Variants in AHCYL2 observed in about 807,000 individuals in gnomAD.
The protein encoded by AHCYL2 is adenosylhomocysteinase like 2.
A neutral mutation model predicts 81.4 loss-of-function variants in AHCYL2; 28 were observed. The ratio of observed to expected loss-of-function variants is 0.34; its 90% CI spans 0.25 to 0.47. AHCYL2 has a LOEUF of 0.47. Among genes scored for constraint, AHCYL2 ranks in the 20% least tolerant of loss-of-function variants. The pLI is 1.00. For synonymous variants in AHCYL2, 272 were observed against 290.2 expected, an observed-to-expected ratio of 0.94 and a Z score of 0.64; for missense variants, 551 against 785.1, an observed-to-expected ratio of 0.70 and a Z score of 3.56.
intron 1 of AHCYL2, among the ~76,000 whole-genome samples, chr7:129,287,886 A>C (rs565534653): frequency 6.6e-6 from 1 of 152,302 alleles, no homozygotes; most frequent in South Asian, 2.1e-4. Context: ...ATTCATGGCC[A>C]CTTGTTTCAC....
chr7:129,241,050 A>G (rs562244295), intron 1 of AHCYL2, among the ~76,000 whole-genome samples: 105 of 152,242 alleles, frequency 6.9e-4, no homozygotes, highest in South Asian at 5.4e-3. Flanking sequence ...TGGTTGAGAG[A>G]GAACACTGAA....
intron 1 of AHCYL2, among the ~76,000 whole-genome samples, chr7:129,321,590 GT>G (rs1333915642): frequency 1.3e-5 from 2 of 152,120 alleles, no homozygotes; most frequent in African/African-American, 4.8e-5. Flanking sequence ...TTACATCTGT[GT>G]TAGTGAGAAA....
intron 1 of AHCYL2, among the ~76,000 whole-genome samples, chr7:129,319,942 G>T (rs2150786506): frequency 6.6e-6 from 1 of 152,036 alleles, no homozygotes; most frequent in East Asian, 1.9e-4. Context: ...GAGTGTAATA[G>T]CTGGGTCTTA....
chr7:129,420,147 A>G (rs1251677799), intron 12 of AHCYL2, among the ~76,000 whole-genome samples: 1 of 152,210 alleles, frequency 6.6e-6, no homozygotes, highest in Non-Finnish European at 1.5e-5. Flanking sequence ...AACTGCCTCT[A>G]CTAAGCACTG....
chr7:129,424,854 T>C lies in AHCYL2; in HGVS notation c.1561-20T>C. 1 of 1,612,264 alleles carries C rather than the reference T, an allele frequency of 6.2e-7. No individual in the cohort carries two copies. Among genetic ancestry groups the C allele is most frequent in the Non-Finnish European group, 8.5e-7 (1 of 1,179,908 alleles). On this transcript the variant is annotated intron_variant, in intron 13 of 16. Coordinates refer to ENST00000325006, the MANE Select transcript of AHCYL2 (RefSeq NM_015328.4). The stretch of plus-strand genomic sequence containing the variant: ...GCGACTTTGTCCTAATCCATTTGTG[T>C]CTTCACCTTTGATCACTAGGGCCGC...
At chr7:129,376,494 A>G (rs1794696018) in intron 1 of AHCYL2, among the ~76,000 whole-genome samples, 3 of 152,242 alleles carry the variant, frequency 2.0e-5, no homozygotes, top group African/African-American at 4.8e-5. Flanking sequence ...CTTCTTTAGT[A>G]TTAAAAGATA....
intron 1 of AHCYL2, chr7:129,283,340 G>A (rs902530133): frequency 2.2e-6 from 1 of 455,520 alleles, no homozygotes; most frequent in African/African-American, 2.0e-5. Context: ...AGGGATTGCT[G>A]TTCTTCATTG....
intron 12 of AHCYL2, among the ~76,000 whole-genome samples, chr7:129,422,346 G>A (rs1471741721): frequency 6.6e-6 from 1 of 152,090 alleles, no homozygotes; most frequent in Non-Finnish European, 1.5e-5. Flanking sequence ...AGCATGCTAT[G>A]TTTAGGACAT....
intron 1 of AHCYL2, among the ~76,000 whole-genome samples, chr7:129,277,373 G>A (rs1796259301): frequency 6.6e-6 from 1 of 151,710 alleles, no homozygotes; most frequent in African/African-American, 2.4e-5. Context: ...CGCCTCCTGG[G>A]TTCAAGCAAT....
chr7:129,358,220 C>T (rs1282294393), intron 1 of AHCYL2, among the ~76,000 whole-genome samples: 2 of 151,770 alleles, frequency 1.3e-5, no homozygotes, highest in East Asian at 3.9e-4. Context: ...GATGAAACCC[C>T]GTCTCTACTA....
At chr7:129,420,622 G>A (rs989270792) in intron 12 of AHCYL2, among the ~76,000 whole-genome samples, 5 of 151,590 alleles carry the variant, frequency 3.3e-5, no homozygotes, top group Admixed American at 2.0e-4. Flanking sequence ...TGAAACTACA[G>A]GCGCACGCCA....
chr7:129,232,480 G>C (rs529292411), intron 1 of AHCYL2, among the ~76,000 whole-genome samples: 34 of 152,224 alleles, frequency 2.2e-4, no homozygotes, highest in African/African-American at 7.7e-4. Context: ...GACCACTTTG[G>C]ATCTCACAAT....
intron 1 of AHCYL2, among the ~76,000 whole-genome samples, chr7:129,236,048 T>C (rs1794632943): frequency 6.6e-6 from 1 of 151,102 alleles, no homozygotes; most frequent in Admixed American, 6.6e-5. Flanking sequence ...TGAGAGTTTT[T>C]TGAGACTCTG....
At chr7:129,302,320 T>G (rs578171476) in intron 1 of AHCYL2, among the ~76,000 whole-genome samples, 4 of 148,040 alleles carry the variant, frequency 2.7e-5, no homozygotes, top group South Asian at 4.4e-4. Flanking sequence ...AAGGATAATG[T>G]GACTTCTTCC....
chr7:129,426,920 G>A lies in AHCYL2; in HGVS notation c.1830-119G>A. ...TGAAAAGGAAACACAGTTATTTCCT[G>A]TCACTGTACACTCCAGAAAAGTCTC... is the stretch of plus-strand genomic sequence containing the variant. On this transcript the variant is annotated intron_variant, in intron 16 of 16. Transcript: ENST00000325006. This position sits in a 1 kb window ranked among gnomAD's most constrained non-coding sequence, Gnocchi z 4.3. The A allele has an allele frequency of 2.1e-6, 2 of 967,344 alleles. No individual in the cohort carries two copies. Among genetic ancestry groups the A allele is most frequent in the Non-Finnish European group, 3.2e-6 (2 of 628,250 alleles). The allele number at this position is 967,344 out of a possible 1,614,324, so 59.9% of individuals were successfully genotyped here.
At chr7:129,356,844 A>G (rs963543151) in intron 1 of AHCYL2, among the ~76,000 whole-genome samples, 3 of 152,210 alleles carry the variant, frequency 2.0e-5, no homozygotes, top group Non-Finnish European at 2.9e-5. Context: ...CCTTCCACAT[A>G]AAATCCATGG....
At chr7:129,251,826 C>T (rs1003883559) in intron 1 of AHCYL2, among the ~76,000 whole-genome samples, 8 of 152,166 alleles carry the variant, frequency 5.3e-5, no homozygotes, top group Admixed American at 3.9e-4. Flanking sequence ...GTCCATTAAT[C>T]TGCATGCTTA....
intron 1 of AHCYL2, among the ~76,000 whole-genome samples, chr7:129,237,902 A>C (rs1049979483): frequency 1.3e-5 from 2 of 151,906 alleles, no homozygotes; most frequent in South Asian, 2.1e-4. Context: ...TGTAGTTTTT[A>C]ATAGAGACAG....
At chr7:129,414,059 GT>G (rs1796724872) in intron 12 of AHCYL2, among the ~76,000 whole-genome samples, 1 of 152,296 alleles carries the variant, frequency 6.6e-6, no homozygotes, top group Non-Finnish European at 1.5e-5. Context: ...GGGGTGTTTG[GT>G]TTTACCATAA....
Sources: gnomAD v4.1 joint callset for allele counts (sites outside exome capture counted in the v4.1 genomes callset) on GRCh38, gnomAD v4.1.1 for gene constraint, Gnocchi (gnomAD v3.1) non-coding constraint, MANE v1.5 for transcripts, NCBI Gene and HGNC (gene_info 2026-07-23, HGNC 2026-07-21) for gene names.